The following STK31 variants were observed in gnomAD, a reference collection of about 807,000 sequenced individuals.
STK31 encodes the protein serine/threonine kinase 31, also known as serine/threonine-protein kinase 31.
A neutral mutation model predicts 129.7 loss-of-function variants in STK31; 89 were observed. The ratio of observed to expected loss-of-function variants is 0.69; its 90% confidence interval spans 0.58 to 0.82. The LOEUF (loss-of-function observed/expected upper bound fraction) is 0.82, where lower values mean the gene tolerates loss of function less well. STK31 is among the 40% of genes least tolerant of loss of function. The pLI is 0.00. For missense variants in STK31, 1,187 were observed against 1,176.4 expected (o/e 1.01, Z -0.13); for synonymous variants, 448 against 395.3 (o/e 1.13, Z -1.58).
At chr7:23,792,968 G>T (rs1158481636) in intron 22 of STK31, among the ~76,000 whole-genome samples, 1 of 152,214 alleles carries the variant, frequency 6.6e-6, no homozygotes, top group Non-Finnish European at 1.5e-5. Flanking sequence ...GCTACAGTAA[G>T]CTATGACTGC....
intron 1 of STK31, among the ~76,000 whole-genome samples, chr7:23,711,227 A>G (rs1785939114): frequency 6.6e-6 from 1 of 152,170 alleles, no homozygotes; most frequent in African/African-American, 2.4e-5. Context: ...TCACAAGGTC[A>G]GGAGTTCAAG....
At chr7:23,748,457 A>G (rs1231565699) in intron 8 of STK31, among the ~76,000 whole-genome samples, 1 of 152,302 alleles carries the variant, frequency 6.6e-6, no homozygotes, top group Non-Finnish European at 1.5e-5. Flanking sequence ...CTTGAACATG[A>G]GTTTGAACTA....
intron 23 of STK31, among the ~76,000 whole-genome samples, chr7:23,828,091 T>A (rs1794291250): frequency 6.6e-6 from 1 of 152,206 alleles, no homozygotes; most frequent in Admixed American, 6.5e-5. Context: ...TCCAGCTGTG[T>A]GCTGGGAGAA....
At chr7:23,746,537 G>A (rs1788365751) in intron 8 of STK31, among the ~76,000 whole-genome samples, 1 of 152,158 alleles carries the variant, frequency 6.6e-6, no homozygotes, top group Admixed American at 6.5e-5. Context: ...GTGGCCTCTA[G>A]TGAGTCATCT....
chr7:23,718,610 C>G (rs1470016454), intron 4 of STK31, among the ~76,000 whole-genome samples: 1 of 152,048 alleles, frequency 6.6e-6, no homozygotes, highest in East Asian at 1.9e-4. Context: ...TTGTATGTAT[C>G]TGGCTTCTTT....
chr7:23,727,335 G>GTT lies in STK31; in HGVS notation c.324+28_324+29dup. ...GAAAAGGCAGGAAATTAAGTGTTCA[G>GTT]TTTTTTTTTGCTTTAAGAAATATTT... On this transcript the variant is annotated intron_variant, in intron 5 of 23. Transcript: ENST00000355870. 6.3e-7 allele frequency: 1 copy of GTT among 1,583,370 alleles called. No homozygotes were observed. The highest frequency in any genetic ancestry group is 8.6e-7 in the Non-Finnish European group (1 of 1,158,138).
chr7:23,768,460 G>A (rs1159422636), intron 11 of STK31, among the ~76,000 whole-genome samples: 1 of 152,146 alleles, frequency 6.6e-6, no homozygotes, highest in Non-Finnish European at 1.5e-5. Flanking sequence ...GTATATTTTA[G>A]CGTGTAGTTT....
At chr7:23,728,201 C>T (rs1471440376) in intron 5 of STK31, among the ~76,000 whole-genome samples, 1 of 149,728 alleles carries the variant, frequency 6.7e-6, no homozygotes, top group Non-Finnish European at 1.5e-5. Context: ...GGTGAAAGCA[C>T]CTCTGTAAGA....
chr7:23,749,825 C>T (rs1183277556), intron 8 of STK31, among the ~76,000 whole-genome samples: 1 of 152,070 alleles, frequency 6.6e-6, no homozygotes, highest in African/African-American at 2.4e-5. Context: ...AATTCACAAG[C>T]ATTTCTCAAT....
intron 15 of STK31, among the ~76,000 whole-genome samples, chr7:23,780,756 A>G (rs940332265): frequency 6.6e-6 from 1 of 152,180 alleles, no homozygotes; most frequent in Non-Finnish European, 1.5e-5. Flanking sequence ...ATTCAACAGA[A>G]CTGTTTTAGG....
rs1444441899 is a variant in STK31, at chr7:23,712,958, T to TG, written c.150+678dup. Among the ~76,000 whole-genome samples the TG allele has an allele frequency of 2.6e-5, 4 of 152,034 alleles. No homozygotes were observed. The South Asian group carries it at 6.2e-4, about 24-fold the overall frequency. On this transcript the variant is annotated intron_variant, in intron 3 of 23. Transcript: ENST00000355870. Reference sequence around the variant, plus strand: ...CCTACAGCATGGGAACTCCTTTTGGTGGGGGGTGAGGTGAACTCGTAATGT... The same window carrying TG: ...CCTACAGCATGGGAACTCCTTTTGGTGGGGGGGTGAGGTGAACTCGTAATGT...
At chr7:23,802,725 G>C (rs1463587601) in intron 22 of STK31, among the ~76,000 whole-genome samples, 7 of 152,110 alleles carry the variant, frequency 4.6e-5, no homozygotes, top group African/African-American at 1.4e-4. Flanking sequence ...TGTTGACCAG[G>C]CTGGTCTCGA....
At chr7:23,808,167 A>ATG (rs113421154) in intron 22 of STK31, among the ~76,000 whole-genome samples, 1 of 120,996 alleles carries the variant, frequency 8.3e-6, no homozygotes, top group African/African-American at 2.8e-5. Flanking sequence ...ATATATATAT[A>ATG]TATTTTTTGT....
intron 6 of STK31, 102 bp from the exon 7 acceptor site, chr7:23,735,436 T>C (rs1787660122): frequency 1.4e-5 from 15 of 1,044,998 alleles, no homozygotes; most frequent in Non-Finnish European, 1.4e-6. Context: ...AATATAGAGA[T>C]TTTAGAATGA....
At chr7:23,726,984 C>G (rs1034324028) in intron 4 of STK31, among the ~76,000 whole-genome samples, 14 of 152,026 alleles carry the variant, frequency 9.2e-5, no homozygotes, top group Non-Finnish European at 1.8e-4. Flanking sequence ...CCCCTCCCTC[C>G]TCATTTTGGA....
intron 20 of STK31, 82 bp downstream of exon 20, chr7:23,787,006 C>T: frequency 1.5e-6 from 2 of 1,365,748 alleles, no homozygotes; most frequent in Non-Finnish European, 1.0e-6. Context: ...ATACTACATG[C>T]TATGTATTTT....
rs1206622525 is a variant in STK31, at chr7:23,772,374, T to G, written c.1965+96T>G. ...TAATGCATAAATACACTCTTTACAA[T>G]AAGAGAGCCATTACATTCACATTTT... is the stretch of plus-strand genomic sequence containing the variant. On this transcript the variant is annotated intron_variant, in intron 15 of 23. Coordinates refer to ENST00000355870, the MANE Select transcript of STK31 (RefSeq NM_031414.5). 10 of 1,249,476 alleles carry G rather than the reference T, an allele frequency of 8.0e-6. No individual in the cohort carries two copies. In the Admixed American group the frequency reaches 2.2e-4, roughly 27 times the overall value. The allele number at this position is 1,249,476 out of a possible 1,614,324, so 77.4% of individuals were successfully genotyped here.
At chr7:23,775,889 G>A (rs1790507557) in intron 15 of STK31, among the ~76,000 whole-genome samples, 1 of 152,112 alleles carries the variant, frequency 6.6e-6, no homozygotes, top group Non-Finnish European at 1.5e-5. Flanking sequence ...GGTGAGAGTG[G>A]GCATGCTTGT....
chr7:23,791,872 A>G (rs1791641739), intron 22 of STK31, among the ~76,000 whole-genome samples: 1 of 152,212 alleles, frequency 6.6e-6, no homozygotes, highest in African/African-American at 2.4e-5. Flanking sequence ...TGTTGCAAGT[A>G]CTGAGTTCTG....
Sources: allele counts gnomAD v4.1 joint callset (sites outside exome capture counted in the v4.1 genomes callset), GRCh38; gene constraint gnomAD v4.1.1; transcripts MANE v1.5; gene names NCBI Gene and HGNC (gene_info 2026-07-23, HGNC 2026-07-21).